ADCY5: variants seen among roughly 807,000 people sequenced by gnomAD.
ADCY5 encodes adenylate cyclase type 5.
In ADCY5, 30 loss-of-function variants were observed where a neutral mutation model predicts 119.7. The ratio of observed to expected loss-of-function variants is 0.25; its 90% CI spans 0.19 to 0.34. The LOEUF (loss-of-function observed/expected upper bound fraction) is 0.34. ADCY5 is among the 10% of genes least tolerant of loss of function. The pLI, the probability that ADCY5 is intolerant of heterozygous loss-of-function variation, is 1.00. For synonymous variants in ADCY5, 753 were observed against 762.2 expected (o/e 0.99, Z 0.20); for missense variants, 1,324 against 1,775.2 (o/e 0.75, Z 4.57).
intron 1 of ADCY5, among the ~76,000 whole-genome samples, chr3:123,439,155 C>T (rs967598737): frequency 6.8e-6 from 1 of 146,436 alleles, no homozygotes; most frequent in Non-Finnish European, 1.5e-5. Context: ...GCAAGCTCCG[C>T]CTCCTGGGTT....
chr3:123,380,886 G>C (rs1303899639), intron 1 of ADCY5, among the ~76,000 whole-genome samples: 1 of 152,252 alleles, frequency 6.6e-6, no homozygotes, highest in African/African-American at 2.4e-5. Context: ...GGAGGGGATA[G>C]GAACTGACGC....
chr3:123,365,712 G>A (rs1943414446), intron 1 of ADCY5, among the ~76,000 whole-genome samples: 1 of 152,160 alleles, frequency 6.6e-6, no homozygotes. Flanking sequence ...GAAAAGAGAT[G>A]GATAAGCAGA....
chr3:123,432,379 A>G (rs1231535597), intron 1 of ADCY5, among the ~76,000 whole-genome samples: 5 of 152,174 alleles, frequency 3.3e-5, no homozygotes, highest in Non-Finnish European at 5.9e-5. Flanking sequence ...GCAGGCAGGA[A>G]AAGACACCAG....
rs1942894883 is a variant in ADCY5 at position 123,352,999 on chromosome 3, C to T, written c.1135-418G>A. On this transcript the variant is annotated intron_variant, in intron 1 of 20. Transcript: ENST00000462833. This position sits in a 1 kb window ranked among gnomAD's most constrained non-coding sequence, Gnocchi z 4.8. ...AGTCCAGTACAGGACAAGGGGCCAC[C>T]CTCCCCCAGAGATCAGCTCCGATGA... is the stretch of plus-strand genomic sequence containing the variant. Among the ~76,000 whole-genome samples the T allele has an allele frequency of 6.6e-6, 1 of 152,116 alleles. No homozygotes were observed. Among genetic ancestry groups the T allele is most frequent in the South Asian group, 2.1e-4 (1 of 4,822 alleles).
chr3:123,368,651 C>G (rs758054900), intron 1 of ADCY5, among the ~76,000 whole-genome samples: 56 of 151,628 alleles, frequency 3.7e-4, no homozygotes, highest in African/African-American at 7.0e-4. Flanking sequence ...ACTCGAGAGT[C>G]TGAGGTGGGA....
chr3:123,383,475 C>A (rs983550961), intron 1 of ADCY5, among the ~76,000 whole-genome samples: 1 of 152,168 alleles, frequency 6.6e-6, no homozygotes, highest in Non-Finnish European at 1.5e-5. Context: ...TTCTTCTGAT[C>A]GCCTGGGAAA....
intron 1 of ADCY5, among the ~76,000 whole-genome samples, chr3:123,369,186 A>G (rs911425699): frequency 6.6e-6 from 1 of 152,196 alleles, no homozygotes; most frequent in Non-Finnish European, 1.5e-5. Context: ...ACCTGAGCTA[A>G]CGTGCACACA....
intron 3 of ADCY5, among the ~76,000 whole-genome samples, chr3:123,346,173 G>A (rs1260929337): frequency 2.0e-5 from 3 of 152,220 alleles, no homozygotes; most frequent in East Asian, 3.9e-4. Flanking sequence ...ACCATGGGAG[G>A]GCCAAGGTGG....
chr3:123,293,242 CAG>C (rs1939274524), intron 17 of ADCY5, among the ~76,000 whole-genome samples: 2 of 152,184 alleles, frequency 1.3e-5, no homozygotes, highest in African/African-American at 4.8e-5. Context: ...CTAGGCGGGT[CAG>C]AGTGTGTTCC....
intron 1 of ADCY5, among the ~76,000 whole-genome samples, chr3:123,430,485 C>T (rs1945501603): frequency 1.3e-5 from 2 of 152,146 alleles, no homozygotes; most frequent in South Asian, 2.1e-4. Flanking sequence ...GAAGGAGGAC[C>T]GAAATCAGCC....
rs150517013 is a variant in ADCY5 at position 123,283,752 on chromosome 3, T to TAGAG, written c.*852_*855dup. 3 of 152,026 alleles carry TAGAG rather than the reference T, an allele frequency of 2.0e-5. No homozygotes were observed. Among genetic ancestry groups the TAGAG allele is most frequent in the East Asian group, 1.9e-4 (1 of 5,186 alleles). The allele number at this position is 152,026 out of a possible 1,614,324, so 9.4% of individuals were successfully genotyped here. A position where few individuals can be genotyped will look rare whatever the true frequency, so the allele number is the denominator to read the frequency against. On this transcript the variant is annotated 3_prime_UTR_variant, in exon 21 of 21. Transcript: ENST00000462833. The stretch of plus-strand genomic sequence containing the variant: ...TGCTGTGCACAGCTGTTTTCTAATA[T>TAGAG]AGAGAATTTACAAAATATAGAATTT...
chr3:123,289,614 C>A, intron 19 of ADCY5, 136 bp downstream of exon 19: 1 of 1,021,128 alleles, frequency 9.8e-7, no homozygotes, highest in Non-Finnish European at 1.5e-6. Flanking sequence ...GGGAACACAC[C>A]ACATCAGCCT....
At chr3:123,396,620 A>AAGGGAGGG (rs139662616) in intron 1 of ADCY5, among the ~76,000 whole-genome samples, 3 of 132,008 alleles carry the variant, frequency 2.3e-5, no homozygotes, top group African/African-American at 8.3e-5. Context: ...AGGGAGGAAG[A>AAGGGAGGG]AGGGAGGGAG....
At chr3:123,327,227 T>C (rs140775684) in intron 7 of ADCY5, among the ~76,000 whole-genome samples, 1 of 152,208 alleles carries the variant, frequency 6.6e-6, no homozygotes, top group African/African-American at 2.4e-5. Context: ...CATGTGGAGA[T>C]GGACACCGAT....
intron 12 of ADCY5, among the ~76,000 whole-genome samples, chr3:123,308,090 G>A (rs1393622745): frequency 2.9e-5 from 4 of 137,540 alleles, no homozygotes; most frequent in Non-Finnish European, 6.1e-5. Flanking sequence ...CTGGAGTGCA[G>A]TGGCATGGTC....
At chr3:123,386,334 C>T (rs539962314) in intron 1 of ADCY5, among the ~76,000 whole-genome samples, 3 of 152,316 alleles carry the variant, frequency 2.0e-5, no homozygotes, top group East Asian at 1.9e-4. Context: ...AGAGACCCCA[C>T]GGCATACCAG....
intron 1 of ADCY5, among the ~76,000 whole-genome samples, chr3:123,390,738 C>T (rs1256968420): frequency 1.3e-5 from 2 of 152,218 alleles, no homozygotes; most frequent in African/African-American, 2.4e-5. Context: ...AGGTGCAGCA[C>T]AGCCTGAGGC....
chr3:123,448,100 G>C lies in ADCY5; in HGVS notation c.446C>G (p.Thr149Arg), dbSNP rs1325171976. Residue 149 changes from threonine (T) to arginine (R), a missense_variant, in exon 1 of 21, where the codon ACG (threonine) becomes AGG (arginine). Coordinates refer to ENST00000462833, the MANE Select transcript of ADCY5 (RefSeq NM_183357.3). ...SAAAAASAGG[T>R]EVRPRSVEVG... Reference sequence around the variant, plus strand: ...CTCCACCGAGCGAGGGCGCACCTCCGTCCCGCCCGCCGAGGCAGCCGCCGC... The same window carrying C: ...CTCCACCGAGCGAGGGCGCACCTCCCTCCCGCCCGCCGAGGCAGCCGCCGC... 1.7e-6 allele frequency: 2 copies of C among 1,158,692 alleles called. No individual in the cohort carries two copies. Among genetic ancestry groups the C allele is most frequent in the Admixed American group, 9.3e-5 (2 of 21,558 alleles). The allele number at this position is 1,158,692 out of a possible 1,614,324, so 71.8% of individuals were successfully genotyped here.
chr3:123,336,112 T>G (rs1942014582), intron 3 of ADCY5, among the ~76,000 whole-genome samples: 2 of 152,180 alleles, frequency 1.3e-5, no homozygotes, highest in South Asian at 4.1e-4. Context: ...TCATGCCCGG[T>G]ATCTGGTGTG....
Sources: gnomAD v4.1 joint callset for allele counts (sites outside exome capture counted in the v4.1 genomes callset) on GRCh38, gnomAD v4.1.1 for gene constraint, Gnocchi (gnomAD v3.1) non-coding constraint, MANE v1.5 for transcripts, NCBI Gene and HGNC (gene_info 2026-07-23, HGNC 2026-07-21) for gene names.